KCNJ3: variants seen among roughly 807,000 people sequenced by gnomAD.
KCNJ3 encodes the protein G protein-activated inward rectifier potassium channel 1.
In KCNJ3, 4 loss-of-function variants were observed where a neutral mutation model predicts 39.2. That is an observed-to-expected ratio of 0.10 (90% confidence interval 0.05 to 0.23). The LOEUF is 0.23. Among genes scored for constraint, KCNJ3 ranks in the 10% least tolerant of loss-of-function variants. KCNJ3 has a pLI of 1.00. For synonymous variants in KCNJ3, 230 were observed against 237.4 expected, an observed-to-expected ratio of 0.97 and a Z score of 0.29; for missense variants, 276 against 634.9, an observed-to-expected ratio of 0.43 and a Z score of 6.08.
At chr2:154,750,141 C>T (rs1423313211) in intron 2 of KCNJ3, among the ~76,000 whole-genome samples, 3 of 151,646 alleles carry the variant, frequency 2.0e-5, no homozygotes, top group African/African-American at 7.3e-5. Context: ...TCCTATTGAA[C>T]AATATTAAAG....
intron 1 of KCNJ3, among the ~76,000 whole-genome samples, chr2:154,706,224 G>T (rs190931144): frequency 1.3e-5 from 2 of 151,992 alleles, no homozygotes; most frequent in East Asian, 3.9e-4. Context: ...TCTAGAAAAC[G>T]ATCCTGGTTC....
chr2:154,794,680 C>T (rs569731560), intron 2 of KCNJ3, among the ~76,000 whole-genome samples: 18 of 152,078 alleles, frequency 1.2e-4, no homozygotes, highest in African/African-American at 3.6e-4. Context: ...CATTGATGAA[C>T]AAGTGTGATA....
rs1471123198 is a variant in KCNJ3 at position 154,797,907 on chromosome 2, C to A, written c.920-56820C>A. On this transcript the variant is annotated intron_variant, in intron 2 of 2. Transcript: ENST00000295101. ...TAAGGGTAGAATACAGTATTGTTAT[C>A]TGTGGGCACAATGTTCTACAGCAGA... Among the ~76,000 whole-genome samples, 6 of 152,070 alleles carry A rather than the reference C, an allele frequency of 3.9e-5. No individual in the cohort carries two copies. The South Asian group carries it at 1.2e-3, about 31-fold the overall frequency.
At chr2:154,710,845 C>T (rs1685092514) in intron 2 of KCNJ3, among the ~76,000 whole-genome samples, 1 of 152,112 alleles carries the variant, frequency 6.6e-6, no homozygotes, top group African/African-American at 2.4e-5. Flanking sequence ...AATTATGTAA[C>T]AGTCAGTATT....
intron 2 of KCNJ3, among the ~76,000 whole-genome samples, chr2:154,804,613 G>T (rs1686878496): frequency 6.6e-6 from 1 of 152,148 alleles, no homozygotes; most frequent in African/African-American, 2.4e-5. Context: ...TGACAAGTAA[G>T]TGTCAAGTAC....
intron 1 of KCNJ3, among the ~76,000 whole-genome samples, chr2:154,702,268 T>G (rs1684915546): frequency 6.6e-6 from 1 of 151,976 alleles, no homozygotes; most frequent in Non-Finnish European, 1.5e-5. Flanking sequence ...AAATCCAGTA[T>G]AATATTTAAT....
intron 2 of KCNJ3, among the ~76,000 whole-genome samples, chr2:154,801,854 TG>T (rs1686825083): frequency 6.6e-6 from 1 of 152,178 alleles, no homozygotes; most frequent in Non-Finnish European, 1.5e-5. Context: ...CTCGAACTAC[TG>T]GGCTCAAGCG....
chr2:154,763,848 A>C (rs2105190774), intron 2 of KCNJ3, among the ~76,000 whole-genome samples: 1 of 152,314 alleles, frequency 6.6e-6, no homozygotes, highest in African/African-American at 2.4e-5. Context: ...AGATAGAAAC[A>C]AGTGAAAAGA....
chr2:154,772,441 A>G (rs1406712444), intron 2 of KCNJ3, among the ~76,000 whole-genome samples: 1 of 152,154 alleles, frequency 6.6e-6, no homozygotes, highest in African/African-American at 2.4e-5. Flanking sequence ...TTTGGAATAT[A>G]TGAAAATCCT....
intron 1 of KCNJ3, among the ~76,000 whole-genome samples, chr2:154,702,614 C>A (rs35204237): frequency 0.019 from 2,909 of 151,952 alleles, 26 homozygotes; most frequent in South Asian, 0.029. Flanking sequence ...TGTCTTCCAG[C>A]CTTACAAACA....
rs1308334606 is a variant in KCNJ3, at chr2:154,856,113, T to C, written c.*800T>C. 6.6e-6 allele frequency: 1 copy of C among 152,588 alleles called. No homozygotes were observed. Among genetic ancestry groups the C allele is most frequent in the East Asian group, 1.9e-4 (1 of 5,188 alleles). The allele number at this position is 152,588 out of a possible 1,614,324, so 9.5% of individuals were successfully genotyped here. On this transcript the variant is annotated 3_prime_UTR_variant, in exon 3 of 3. Transcript: ENST00000295101. ...TACTCAGTATAGCATTGAACATTTC[T>C]TATGATTTTTAAAAGTTGCTAGTAC...
intron 2 of KCNJ3, among the ~76,000 whole-genome samples, chr2:154,828,287 G>A (rs974605219): frequency 2.6e-5 from 4 of 152,178 alleles, no homozygotes; most frequent in Admixed American, 6.6e-5. Flanking sequence ...AGCTATCCAA[G>A]TGTTTTAAAC....
intron 2 of KCNJ3, among the ~76,000 whole-genome samples, chr2:154,752,036 A>G (rs1355658559): frequency 6.6e-6 from 1 of 152,080 alleles, no homozygotes; most frequent in African/African-American, 2.4e-5. Context: ...AATTCACACC[A>G]TAACACCAAT....
In KCNJ3 at chr2:154,703,077, A is replaced by G. The variant is rs184286117; in HGVS notation, c.702+3600A>G. ...TTACTTACCCCTTTCTACCAACCTA[A>G]TAATAATGGTTGATAGACCTAGGCA... On this transcript the variant is annotated intron_variant, in intron 1 of 2. Coordinates refer to ENST00000295101, the MANE Select transcript of KCNJ3 (RefSeq NM_002239.4). Among the ~76,000 whole-genome samples, 8 of 152,104 alleles carry G rather than the reference A, an allele frequency of 5.3e-5. No homozygotes were observed. In the East Asian group the frequency reaches 1.5e-3, roughly 29 times the overall value.
intron 2 of KCNJ3, among the ~76,000 whole-genome samples, chr2:154,730,905 AC>A (rs1456431555): frequency 6.6e-6 from 1 of 152,120 alleles, no homozygotes; most frequent in Non-Finnish European, 1.5e-5. Context: ...GGTGAAATAA[AC>A]CTACCAAAAA....
At chr2:154,712,014 A>G (rs1294465976) in intron 2 of KCNJ3, among the ~76,000 whole-genome samples, 1 of 152,152 alleles carries the variant, frequency 6.6e-6, no homozygotes. Flanking sequence ...CTTCCTCTTA[A>G]CCTCTTAATT....
At chr2:154,800,953 G>A (rs1049982512) in intron 2 of KCNJ3, among the ~76,000 whole-genome samples, 8 of 152,132 alleles carry the variant, frequency 5.3e-5, no homozygotes, top group South Asian at 2.1e-4. Flanking sequence ...CTATCCCTAT[G>A]AGCCTCCTGC....
chr2:154,700,022 T>C (rs768655237), intron 1 of KCNJ3, among the ~76,000 whole-genome samples: 1 of 152,184 alleles, frequency 6.6e-6, no homozygotes, highest in African/African-American at 2.4e-5. Flanking sequence ...TTTAACTCTA[T>C]GGTCATCTTT....
chr2:154,704,305 A>G (rs1428050797), intron 1 of KCNJ3, among the ~76,000 whole-genome samples: 1 of 152,134 alleles, frequency 6.6e-6, no homozygotes, highest in East Asian at 1.9e-4. Flanking sequence ...AGGAAAAAGC[A>G]TTTAATAGAT....
Sources: gnomAD v4.1 joint callset for allele counts (sites outside exome capture counted in the v4.1 genomes callset) on GRCh38, gnomAD v4.1.1 for gene constraint, MANE v1.5 for transcripts, NCBI Gene and HGNC (gene_info 2026-07-23, HGNC 2026-07-21) for gene names.